NDUFA10: variants seen among roughly 807,000 people sequenced by gnomAD.
The protein encoded by NDUFA10 is NADH dehydrogenase [ubiquinone] 1 alpha subcomplex subunit 10, mitochondrial.
A neutral mutation model predicts 47.8 loss-of-function variants in NDUFA10; 40 were observed. The observed-to-expected ratio is 0.84, with a 90% CI of 0.65 to 1.09. The LOEUF is 1.09. Ranked by LOEUF, NDUFA10 falls within the 50% of genes least tolerant of loss-of-function variation. The pLI is 0.00. For missense variants in NDUFA10, 413 were observed against 451.1 expected, an observed-to-expected ratio of 0.92 and a Z score of 0.76; for synonymous variants, 183 against 172.2, an observed-to-expected ratio of 1.06 and a Z score of -0.49.
At chr2:239,898,206 T>C (rs986303086) in intron 4 of NDUFA10, among the ~76,000 whole-genome samples, 3 of 152,158 alleles carry the variant, frequency 2.0e-5, no homozygotes, top group Non-Finnish European at 4.4e-5. Flanking sequence ...CCCAATACTC[T>C]GCAATAAAAT....
chr2:239,923,990 C>T (rs1023895400), intron 4 of NDUFA10, among the ~76,000 whole-genome samples: 4 of 152,078 alleles, frequency 2.6e-5, no homozygotes, highest in African/African-American at 9.7e-5. Context: ...AATTTCACAA[C>T]TTAGATGACA....
chr2:239,906,155 T>G lies in NDUFA10; in HGVS notation c.295-10841A>C, dbSNP rs113570730. Among the ~76,000 whole-genome samples the G allele has an allele frequency of 2.0e-5, 3 of 152,214 alleles. No individual in the cohort carries two copies. The highest frequency in any genetic ancestry group is 4.8e-5 in the African/African-American group (2 of 41,540). On this transcript the variant is annotated intron_variant, in intron 4 of 5. Coordinates refer to the NDUFA10 transcript ENST00000419408. This position sits in a 1 kb window ranked among gnomAD's most constrained non-coding sequence, Gnocchi z 4.3. ...CTCTGGGCGGGCCCTGCTCTGTGCCTAGATATTTCACACTCCAGCACACCT... is the reference window on the plus strand; with the variant it reads ...CTCTGGGCGGGCCCTGCTCTGTGCCGAGATATTTCACACTCCAGCACACCT...
At chr2:239,989,018 G>C (rs1240753317) in intron 9 of NDUFA10, among the ~76,000 whole-genome samples, 3 of 93,424 alleles carry the variant, frequency 3.2e-5, no homozygotes, top group Non-Finnish European at 6.7e-5. Context: ...TACAAGGACA[G>C]ATAAGGGAGA....
At chr2:239,977,773 G>A (rs1695589363) in intron 9 of NDUFA10, among the ~76,000 whole-genome samples, 2 of 152,238 alleles carry the variant, frequency 1.3e-5, no homozygotes, top group Non-Finnish European at 1.5e-5. Flanking sequence ...TTTTAATCAA[G>A]GAATGAGATG....
downstream of NDUFA10, among the ~76,000 whole-genome samples, chr2:239,956,936 T>C (rs893855226): frequency 2.0e-5 from 3 of 152,124 alleles, no homozygotes; most frequent in African/African-American, 7.2e-5. Flanking sequence ...CTGCAGGTCC[T>C]CCTCTCCCTG....
intron 8 of NDUFA10, among the ~76,000 whole-genome samples, chr2:239,994,499 G>C (rs892524556): frequency 9.9e-5 from 15 of 151,712 alleles, no homozygotes; most frequent in South Asian, 2.1e-4. Context: ...ACAAGCTCAG[G>C]GCTCCCACTG....
intron 6 of NDUFA10, 29 bp from the exon 7 acceptor site, chr2:240,007,399 T>C (rs761622418): frequency 2.0e-6 from 3 of 1,495,082 alleles, no homozygotes; most frequent in East Asian, 2.3e-5. Flanking sequence ...TGAAATTCAG[T>C]GTAAACTTTT....
chr2:239,930,811 G>A (rs1441384574), intron 4 of NDUFA10, among the ~76,000 whole-genome samples: 4 of 150,268 alleles, frequency 2.7e-5, no homozygotes, highest in Admixed American at 6.6e-5. Flanking sequence ...GGGTGTGGCA[G>A]GGAGGGAGGT....
chr2:239,999,604 G>T (rs74501741), intron 8 of NDUFA10, among the ~76,000 whole-genome samples: 1,760 of 152,302 alleles, frequency 0.012, 31 homozygotes, highest in African/African-American at 0.038. Flanking sequence ...GATGGCCTGG[G>T]TGTCTCACCA....
At chr2:239,971,926 T>G (rs1437629100) in intron 9 of NDUFA10, among the ~76,000 whole-genome samples, 1 of 152,198 alleles carries the variant, frequency 6.6e-6, no homozygotes, top group Non-Finnish European at 1.5e-5. Flanking sequence ...AAAGGTATGT[T>G]GCTCAAGGTC....
intron 4 of NDUFA10, among the ~76,000 whole-genome samples, chr2:239,910,525 G>C (rs1485920270): frequency 6.6e-6 from 1 of 152,066 alleles, no homozygotes; most frequent in Non-Finnish European, 1.5e-5. Flanking sequence ...ATGAGAACAC[G>C]GACACATCGG....
chr2:239,953,438 C>T (rs905156850), downstream of NDUFA10, among the ~76,000 whole-genome samples: 26 of 152,222 alleles, frequency 1.7e-4, no homozygotes, highest in African/African-American at 5.3e-4. Context: ...AGCTGCTTAC[C>T]GCAGCCCTAG....
chr2:239,925,516 C>T (rs952316088), intron 4 of NDUFA10, among the ~76,000 whole-genome samples: 1 of 152,112 alleles, frequency 6.6e-6, no homozygotes, highest in Non-Finnish European at 1.5e-5. Flanking sequence ...CCTTTATGTA[C>T]AAAAATTAAC....
intron 4 of NDUFA10, among the ~76,000 whole-genome samples, chr2:239,929,941 C>T (rs1295075638): frequency 2.7e-5 from 4 of 147,996 alleles, no homozygotes; most frequent in South Asian, 2.2e-4. Context: ...TCCACTGCCC[C>T]TGCTCCTCCG....
intron 5 of NDUFA10, chr2:240,013,627 T>A (rs1239444828): frequency 6.6e-6 from 1 of 152,236 alleles, no homozygotes; most frequent in Non-Finnish European, 1.5e-5. Context: ...TAGAAAGGCA[T>A]ACATAGACAT....
intron 9 of NDUFA10, among the ~76,000 whole-genome samples, chr2:239,966,504 G>A (rs1016315884): frequency 1.3e-5 from 2 of 152,150 alleles, no homozygotes; most frequent in Admixed American, 6.5e-5. Flanking sequence ...CCACAGGACC[G>A]GACTTGTTCC....
chr2:239,920,737 G>A lies in NDUFA10; in HGVS notation c.295-25423C>T, dbSNP rs114677532. Among the ~76,000 whole-genome samples, 558 of 152,308 alleles carry A rather than the reference G, an allele frequency of 3.7e-3. 5 individuals are homozygous for A. The highest frequency in any genetic ancestry group is 0.013 in the African/African-American group (533 of 41,564). On this transcript the variant is annotated intron_variant, in intron 4 of 5. Transcript: ENST00000419408. The stretch of plus-strand genomic sequence containing the variant: ...AGGCCTTTTGCGTGACGGCGATGGA[G>A]GCGCTGTGGTTTTGTTTCTTGCTTT...
chr2:240,005,330 C>T (rs1696908235), intron 7 of NDUFA10, 35 bp from the exon 8 acceptor site: 1 of 1,538,292 alleles, frequency 6.5e-7, no homozygotes, highest in South Asian at 1.1e-5. Flanking sequence ...AAACAGAGAA[C>T]CCCATTTTAG....
At chr2:239,953,483 G>C (rs962776051), downstream of NDUFA10, among the ~76,000 whole-genome samples, 1 of 152,358 alleles carries the variant, frequency 6.6e-6, no homozygotes, top group South Asian at 2.1e-4. Flanking sequence ...CTCAGCCCCA[G>C]GGAGGGGTGC....
Sources: gnomAD v4.1 joint callset for allele counts (sites outside exome capture counted in the v4.1 genomes callset) on GRCh38, gnomAD v4.1.1 for gene constraint, Gnocchi (gnomAD v3.1) non-coding constraint, MANE v1.5 for transcripts, NCBI Gene and HGNC (gene_info 2026-07-23, HGNC 2026-07-21) for gene names.